Variants in TNPO1 observed in about 807,000 individuals in gnomAD.
TNPO1 encodes the protein transportin-1.
Under a neutral mutation model 119.5 loss-of-function variants are expected in TNPO1, and 8 were observed. The ratio of observed to expected loss-of-function variants is 0.07; its 90% confidence interval spans 0.04 to 0.12. The LOEUF (loss-of-function observed/expected upper bound fraction) is 0.12. Among genes scored for constraint, TNPO1 ranks in the 10% least tolerant of loss-of-function variants. The pLI, the probability that TNPO1 is intolerant of heterozygous loss-of-function variation, is 1.00. For synonymous variants in TNPO1, 362 were observed against 363.0 expected, an observed-to-expected ratio of 1.00 and a Z score of 0.03; for missense variants, 576 against 1,089.8, an observed-to-expected ratio of 0.53 and a Z score of 6.64.
At chr5:72,905,224 C>A in intron 23 of TNPO1, 79 bp from the exon 24 acceptor site, 4 of 1,027,396 alleles carry the variant, frequency 3.9e-6, no homozygotes, top group South Asian at 1.4e-5. Context: ...AAAAAATCAG[C>A]TGTGTTGGAT....
intron 23 of TNPO1, 151 bp from the exon 24 acceptor site, chr5:72,905,152 G>A (rs1408637012): frequency 1.7e-6 from 1 of 588,950 alleles, no homozygotes. Context: ...CATATTAGCA[G>A]GGAATGGTGT....
chr5:72,906,623 G>C (rs1399165976), intron 24 of TNPO1, among the ~76,000 whole-genome samples: 1 of 152,152 alleles, frequency 6.6e-6, no homozygotes, highest in Non-Finnish European at 1.5e-5. Context: ...AGCAATGAAA[G>C]ATTCTGTTTT....
At chr5:72,836,652 C>T (rs1744704409) in intron 1 of TNPO1, among the ~76,000 whole-genome samples, 1 of 152,210 alleles carries the variant, frequency 6.6e-6, no homozygotes, top group South Asian at 2.1e-4. Flanking sequence ...ATCAAACAGT[C>T]AGGTTCAGAA....
intron 6 of TNPO1, among the ~76,000 whole-genome samples, chr5:72,869,363 A>G (rs1056684206): frequency 1.3e-5 from 2 of 152,078 alleles, no homozygotes; most frequent in Admixed American, 1.3e-4. Context: ...CCCGGCCAAC[A>G]TGGCAAAATC....
chr5:72,893,350 T>TA, intron 16 of TNPO1, 27 bp from the exon 17 acceptor site: 4 of 1,608,344 alleles, frequency 2.5e-6, no homozygotes, highest in Non-Finnish European at 3.4e-6. Context: ...AAACCAAACT[T>TA]ACAAAAAACA....
chr5:72,842,587 A>C (rs1175326934), intron 1 of TNPO1, among the ~76,000 whole-genome samples: 3 of 152,228 alleles, frequency 2.0e-5, no homozygotes, highest in African/African-American at 7.2e-5. Context: ...TCTGTGAAAC[A>C]GGACTGCCCT....
intron 14 of TNPO1, 144 bp downstream of exon 14, chr5:72,890,101 G>GCAGC: frequency 1.1e-6 from 1 of 871,756 alleles, no homozygotes; most frequent in South Asian, 1.9e-5. Flanking sequence ...TCTTACAAAG[G>GCAGC]CAGCAAGTAT....
chr5:72,831,471 C>G (rs1199640139), intron 1 of TNPO1, among the ~76,000 whole-genome samples: 7 of 151,946 alleles, frequency 4.6e-5, no homozygotes, highest in Non-Finnish European at 1.5e-5. Flanking sequence ...AAATTTTGTA[C>G]TATTACTGTT....
At chr5:72,853,935 CGTT>C (rs996892710) in intron 3 of TNPO1, among the ~76,000 whole-genome samples, 19 of 152,200 alleles carry the variant, frequency 1.2e-4, no homozygotes, top group African/African-American at 4.3e-4. Flanking sequence ...CAAAGGAAAT[CGTT>C]AGTCGTTGAA....
chr5:72,860,599 G>C (rs542023746), intron 4 of TNPO1, among the ~76,000 whole-genome samples: 1 of 152,346 alleles, frequency 6.6e-6, no homozygotes, highest in Admixed American at 6.5e-5. Flanking sequence ...ACCCAGCCTC[G>C]AAGATCGCCT....
chr5:72,863,201 T>C (rs1250174487), intron 5 of TNPO1, among the ~76,000 whole-genome samples: 1 of 152,044 alleles, frequency 6.6e-6, no homozygotes, highest in African/African-American at 2.4e-5. Flanking sequence ...ATATTTGGTG[T>C]TTTGACTCTG....
At chr5:72,899,711 T>G (rs1416755847) in intron 20 of TNPO1, among the ~76,000 whole-genome samples, 2 of 152,210 alleles carry the variant, frequency 1.3e-5, no homozygotes, top group Non-Finnish European at 2.9e-5. Flanking sequence ...GACACTCGAT[T>G]GAGCGAGAAA....
In TNPO1 at chr5:72,886,795, G is replaced by A. The variant is rs182960829; in HGVS notation, c.1151-275G>A. On this transcript the variant is annotated intron_variant, in intron 11 of 24. Transcript: ENST00000337273. ...TCCCAGCTACTCAGGGGGCTAAAGC[G>A]GGAGAATCACTTGAACCTGGGAGGC... Among the ~76,000 whole-genome samples the A allele has an allele frequency of 1.4e-3, 205 of 150,744 alleles. 1 individual carries two copies. Among genetic ancestry groups the A allele is most frequent in the African/African-American group, 4.7e-3 (194 of 41,030 alleles).
At chr5:72,835,570 A>AT (rs1207189908) in intron 1 of TNPO1, among the ~76,000 whole-genome samples, 1 of 152,158 alleles carries the variant, frequency 6.6e-6, no homozygotes, top group African/African-American at 2.4e-5. Context: ...AAGGGTATTA[A>AT]TCCCATTAAT....
intron 1 of TNPO1, among the ~76,000 whole-genome samples, chr5:72,830,246 T>C (rs62363360): frequency 0.12 from 18,126 of 152,184 alleles, 1,279 homozygotes; most frequent in Non-Finnish European, 0.17. Flanking sequence ...AGGCAATTTT[T>C]ATTTGTAAAG....
At chr5:72,872,988 C>T (rs749669141) in intron 7 of TNPO1, among the ~76,000 whole-genome samples, 1 of 151,926 alleles carries the variant, frequency 6.6e-6, no homozygotes, top group Non-Finnish European at 1.5e-5. Context: ...AGTATCTTGA[C>T]TACTTTAAAA....
At chr5:72,880,699 C>T (rs1398047490) in intron 9 of TNPO1, among the ~76,000 whole-genome samples, 1 of 151,446 alleles carries the variant, frequency 6.6e-6, no homozygotes, top group African/African-American at 2.4e-5. Context: ...GCTTGTAGTC[C>T]CAGCTACTTG....
chr5:72,816,673 T>G lies in TNPO1; in HGVS notation c.-65T>G. On this transcript the variant is annotated 5_prime_UTR_variant, in exon 1 of 25. Transcript: ENST00000337273. ...CCAGATTCTCTTTGTTCCGCAGCCA[T>G]TTCAGGCCCCGGACAGGAGGCAGTG... is the stretch of plus-strand genomic sequence containing the variant. 6.7e-7 allele frequency: 1 copy of G among 1,503,382 alleles called. No homozygotes were observed. Among genetic ancestry groups the G allele is most frequent in the Middle Eastern group, 1.9e-4 (1 of 5,312 alleles). 93.1% of individuals were successfully genotyped at this position (1,503,382 alleles called of 1,614,324 possible). A position where few individuals can be genotyped will look rare whatever the true frequency, so the allele number is the denominator to read the frequency against.
At chr5:72,857,118 G>A (rs906832684) in intron 4 of TNPO1, among the ~76,000 whole-genome samples, 2 of 152,020 alleles carry the variant, frequency 1.3e-5, no homozygotes, top group Non-Finnish European at 2.9e-5. Context: ...TCAGGAGTTC[G>A]AGACCAGCCT....
Sources: allele counts gnomAD v4.1 joint callset (sites outside exome capture counted in the v4.1 genomes callset), GRCh38; gene constraint gnomAD v4.1.1; transcripts MANE v1.5; gene names NCBI Gene and HGNC (gene_info 2026-07-23, HGNC 2026-07-21).